The following VPS13D variants were observed in gnomAD, a reference collection of about 807,000 sequenced individuals.
VPS13D encodes vacuolar protein sorting 13 homolog D.
In VPS13D, 187 loss-of-function variants were observed where a neutral mutation model predicts 461.9. The observed-to-expected ratio is 0.40, with a 90% CI of 0.36 to 0.46. The LOEUF is 0.46. VPS13D is among the 20% of genes least tolerant of loss of function. VPS13D has a pLI of 0.60. For missense variants in VPS13D, 4,711 were observed against 5,364.9 expected (o/e 0.88, Z 3.81); for synonymous variants, 1,951 against 1,986.3 (o/e 0.98, Z 0.47).
rs1285631487 is a variant in VPS13D at position 12,497,627 on chromosome 1, G to A, written c.12790G>A (p.Glu4264Lys). The A allele has an allele frequency of 3.7e-6, 6 of 1,611,980 alleles. No individual in the cohort carries two copies. Among genetic ancestry groups the A allele is most frequent in the South Asian group, 1.1e-5 (1 of 90,898 alleles). ...CAAACTCACAGACAACATACAGGAC[G>A]AATTGTAAGTTAGAGCATGGGAAAC... is the stretch of plus-strand genomic sequence containing the variant. ...LFKLTDNIQD[E>K]FFIAVENIDS... The change falls in exon 68 of 70, where the codon GAA (glutamate) becomes AAA (lysine). Residue 4264 changes from glutamate (E) to lysine (K), a missense_variant. This residue lies in a region of VPS13D where 194 missense variants were observed against 220.9 expected (regional missense o/e 0.88). Transcript: ENST00000620676.
intron 13 of VPS13D, among the ~76,000 whole-genome samples, chr1:12,263,979 C>T (rs1324376909): frequency 1.3e-5 from 2 of 152,220 alleles, no homozygotes; most frequent in Non-Finnish European, 2.9e-5. Context: ...ATTTTTCCAA[C>T]AGCATGTGCT....
intron 41 of VPS13D, 76 bp from the exon 42 acceptor site, chr1:12,342,823 T>C (rs987274801): frequency 4.0e-6 from 6 of 1,489,012 alleles, no homozygotes; most frequent in African/African-American, 2.7e-5. Flanking sequence ...AAGGTTCTGC[T>C]CTTCTGCACG....
At position 12,453,337 on chromosome 1, in the gene VPS13D, A is replaced by C. The variant is rs140966407; in HGVS notation, c.12334-2661A>C. 1.5e-3 allele frequency among the ~76,000 whole-genome samples: 232 copies of C among 152,234 alleles called. 1 individual carries two copies. Among genetic ancestry groups the C allele is most frequent in the Non-Finnish European group, 2.6e-3 (178 of 67,994 alleles). ...TAGCTGCCAGCGATAGGTAAAGAGC[A>C]CTTTACCCTATCTGTCTTCCAAGAA... On this transcript the variant is annotated intron_variant, in intron 65 of 69. Coordinates refer to ENST00000620676, the MANE Select transcript of VPS13D (RefSeq NM_015378.4).
chr1:12,297,815 C>T (rs1306308415), intron 24 of VPS13D, among the ~76,000 whole-genome samples: 1 of 151,916 alleles, frequency 6.6e-6, no homozygotes, highest in Non-Finnish European at 1.5e-5. Context: ...AGGATATAAT[C>T]AAGGAAAAAA....
intron 17 of VPS13D, among the ~76,000 whole-genome samples, chr1:12,271,628 C>T (rs1006341710): frequency 2.0e-5 from 3 of 151,960 alleles, no homozygotes; most frequent in Non-Finnish European, 2.9e-5. Context: ...GAGATTGCAC[C>T]ACTGCACTCC....
At chr1:12,504,224 C>T (rs1000670166) in intron 68 of VPS13D, among the ~76,000 whole-genome samples, 14 of 152,128 alleles carry the variant, frequency 9.2e-5, no homozygotes, top group African/African-American at 3.4e-4. Flanking sequence ...TTGTGGGATG[C>T]AGGAAAGCCT....
At chr1:12,402,852 C>G (rs757701016) in intron 62 of VPS13D, 5 of 152,206 alleles carry the variant, frequency 3.3e-5, no homozygotes, top group African/African-American at 4.8e-5. Flanking sequence ...CTGCCTTTCA[C>G]TGAAGTGGGA....
intron 58 of VPS13D, among the ~76,000 whole-genome samples, chr1:12,383,823 A>G (rs181542448): frequency 3.9e-5 from 6 of 152,346 alleles, no homozygotes; most frequent in Admixed American, 2.6e-4. Flanking sequence ...GGGATGGACC[A>G]TCATTGACCA....
intron 67 of VPS13D, among the ~76,000 whole-genome samples, chr1:12,480,030 C>G (rs570518026): frequency 6.6e-6 from 1 of 152,142 alleles, no homozygotes; most frequent in Non-Finnish European, 1.5e-5. Context: ...ATGGAGAGAC[C>G]CTGGCCTTTT....
intron 54 of VPS13D, 127 bp downstream of exon 54, chr1:12,369,829 C>G (rs972298569): frequency 3.4e-6 from 3 of 875,036 alleles, no homozygotes; most frequent in Non-Finnish European, 5.1e-6. Flanking sequence ...TTACCAAACC[C>G]TGGGCTCAGT....
intron 60 of VPS13D, among the ~76,000 whole-genome samples, chr1:12,388,140 A>G (rs1424385304): frequency 6.6e-6 from 1 of 152,240 alleles, no homozygotes; most frequent in Non-Finnish European, 1.5e-5. Context: ...AAGGGGAGAA[A>G]TGGAAGTCTA....
At position 12,401,566 on chromosome 1, in the gene VPS13D, T is replaced by G. The variant is rs183596672; in HGVS notation, c.11785-42T>G. 1.0e-3 allele frequency: 1,565 copies of G among 1,491,436 alleles called. 1 individual carries two copies. Among genetic ancestry groups the G allele is most frequent in the Non-Finnish European group, 1.3e-3 (1,375 of 1,072,456 alleles). 92.4% of individuals were successfully genotyped at this position (1,491,436 alleles called of 1,614,324 possible). A position where few individuals can be genotyped will look rare whatever the true frequency, so the allele number is the denominator to read the frequency against. The stretch of plus-strand genomic sequence containing the variant: ...TCTTAATAGCACAGATGAATGTTCC[T>G]TCTGGTGTTCACACTTTAAATCAGA... On this transcript the variant is annotated intron_variant, in intron 61 of 69. Transcript: ENST00000620676.
intron 34 of VPS13D, among the ~76,000 whole-genome samples, chr1:12,323,341 A>G (rs1019228892): frequency 5.3e-5 from 8 of 151,676 alleles, no homozygotes; most frequent in Admixed American, 1.3e-4. Flanking sequence ...CTCCCAAAGT[A>G]TTGGGATTAC....
chr1:12,341,729 C>T (rs767202177), intron 40 of VPS13D, 51 bp from the exon 41 acceptor site: 1 of 1,566,180 alleles, frequency 6.4e-7, no homozygotes, highest in Non-Finnish European at 8.8e-7. Flanking sequence ...GGGAGGGTCT[C>T]TGCCATGCAG....
Position 12,495,242 on chromosome 1 carries a change from C to T in VPS13D, c.12663-2258C>T, listed in dbSNP as rs1178675656. Among the ~76,000 whole-genome samples, 13 of 151,886 alleles carry T rather than the reference C, an allele frequency of 8.6e-5. No homozygotes were observed. The highest frequency in any genetic ancestry group is 7.2e-4 in the Admixed American group (11 of 15,266). On this transcript the variant is annotated intron_variant, in intron 67 of 69. Coordinates refer to ENST00000620676, the MANE Select transcript of VPS13D (RefSeq NM_015378.4). This position sits in a 1 kb window ranked among gnomAD's most constrained non-coding sequence, Gnocchi z 4.0. ...TCGGCTCACTGCAAGCTCCGCCTCCCAGGTTCATGCCATTCTCCTGCCTCA... is the reference window on the plus strand; with the variant it reads ...TCGGCTCACTGCAAGCTCCGCCTCCTAGGTTCATGCCATTCTCCTGCCTCA...
intron 17 of VPS13D, 50 bp from the exon 18 acceptor site, chr1:12,272,953 A>G (rs1557677751): frequency 6.3e-7 from 1 of 1,596,988 alleles, no homozygotes; most frequent in South Asian, 1.1e-5. Context: ...ACCATGGATA[A>G]AGCTGTTGGG....
intron 37 of VPS13D, among the ~76,000 whole-genome samples, chr1:12,331,312 T>C (rs980138944): frequency 1.3e-5 from 2 of 152,146 alleles, no homozygotes; most frequent in Non-Finnish European, 2.9e-5. Context: ...TAAACCTCGA[T>C]TTGTTGTGCT....
chr1:12,265,354 G>T (rs941924888), intron 13 of VPS13D, among the ~76,000 whole-genome samples: 4 of 152,060 alleles, frequency 2.6e-5, no homozygotes, highest in African/African-American at 9.7e-5. Flanking sequence ...GGCCAGGGTG[G>T]TCTCAAACTC....
chr1:12,248,179 G>A (rs1275509967), intron 5 of VPS13D, among the ~76,000 whole-genome samples: 4 of 151,932 alleles, frequency 2.6e-5, no homozygotes, highest in Admixed American at 2.0e-4. Context: ...ATGATCCACC[G>A]TGCCTGGCCA....
Sources: gnomAD v4.1 joint callset for allele counts (sites outside exome capture counted in the v4.1 genomes callset) on GRCh38, gnomAD v4.1.1 for gene constraint, gnomAD v4.1.1 regional missense constraint, Gnocchi (gnomAD v3.1) non-coding constraint, MANE v1.5 for transcripts, NCBI Gene and HGNC (gene_info 2026-07-23, HGNC 2026-07-21) for gene names.